VSIG10: variants seen among roughly 807,000 people sequenced by gnomAD.
VSIG10 encodes the protein V-set and immunoglobulin domain containing 10.
In VSIG10, 48 loss-of-function variants were observed where a neutral mutation model predicts 58.7. The observed-to-expected ratio is 0.82, with a 90% CI of 0.65 to 1.04. VSIG10 has a LOEUF of 1.04. Among genes scored for constraint, VSIG10 ranks in the 50% least tolerant of loss-of-function variants. VSIG10 has a pLI of 0.00. For synonymous variants in VSIG10, 260 were observed against 267.1 expected (o/e 0.97, Z 0.26); for missense variants, 628 against 670.0 (o/e 0.94, Z 0.69).
intron 1 of VSIG10, among the ~76,000 whole-genome samples, chr12:118,096,052 A>G (rs2033446426): frequency 6.6e-6 from 1 of 151,506 alleles, no homozygotes; most frequent in Non-Finnish European, 1.5e-5. Context: ...CAGCATCCCA[A>G]GTAGCTGGGA....
chr12:118,087,948 C>T (rs60532398), intron 2 of VSIG10, among the ~76,000 whole-genome samples: 1,877 of 151,536 alleles, frequency 0.012, 42 homozygotes, highest in African/African-American at 0.044. Context: ...AAGACCTGTT[C>T]GAAAGACCCA....
intron 2 of VSIG10, among the ~76,000 whole-genome samples, chr12:118,088,047 C>G (rs1032828103): frequency 6.6e-6 from 1 of 151,938 alleles, no homozygotes; most frequent in African/African-American, 2.4e-5. Context: ...AGTTCAAGAC[C>G]AGCCTGGCCA....
chr12:118,073,142 G>T (rs1220990502), intron 5 of VSIG10, among the ~76,000 whole-genome samples: 1 of 151,938 alleles, frequency 6.6e-6, no homozygotes, highest in Non-Finnish European at 1.5e-5. Flanking sequence ...TCAGCTAATG[G>T]TCTCGAACTC....
Position 118,073,798 on chromosome 12 carries a change from T to A in VSIG10, c.1120A>T (p.Ile374Phe). ...TQDGQNSTLT[I>F]HNCSQDLDEG... ...TCCAGGTCCTGGGAGCAGTTGTGGA[T>A]AGTGAGGGTGGAGTTCTGGCCATCC... Residue 374 changes from isoleucine (I) to phenylalanine (F), a missense_variant, in exon 5 of 9, where the codon ATC becomes TTC. Ile to Phe is a conservative substitution (Grantham distance 21, BLOSUM62 0). Coordinates refer to ENST00000359236, the MANE Select transcript of VSIG10 (RefSeq NM_019086.6). 1.2e-6 allele frequency: 2 copies of A among 1,613,892 alleles called. No individual in the cohort carries two copies. The highest frequency in any genetic ancestry group is 1.7e-5 in the Admixed American group (1 of 60,004).
intron 2 of VSIG10, among the ~76,000 whole-genome samples, chr12:118,093,537 A>G (rs1353450765): frequency 2.0e-5 from 3 of 152,068 alleles, no homozygotes; most frequent in Non-Finnish European, 2.9e-5. Flanking sequence ...GTATATCAGC[A>G]GATATGACAG....
At chr12:118,080,102 G>A (rs2032892505) in intron 3 of VSIG10, among the ~76,000 whole-genome samples, 1 of 152,144 alleles carries the variant, frequency 6.6e-6, no homozygotes, top group South Asian at 2.1e-4. Context: ...CCAAAGTGTT[G>A]GGATTATAGG....
At position 118,066,433 on chromosome 12, in the gene VSIG10, G is replaced by T; in HGVS notation, c.*206C>A. The stretch of plus-strand genomic sequence containing the variant: ...TCTCAAAGCTTTTAAACATCATTGG[G>T]AAAACTTAGAGCAAATCAAACCAAT... On this transcript the variant is annotated 3_prime_UTR_variant, in exon 9 of 9. Transcript: ENST00000359236. 1.7e-6 allele frequency: 1 copy of T among 596,478 alleles called. No homozygotes were observed. The highest frequency in any genetic ancestry group is 3.0e-6 in the Non-Finnish European group (1 of 333,442). 36.9% of individuals were successfully genotyped at this position (596,478 alleles called of 1,614,324 possible).
At chr12:118,093,224 G>C (rs1395461666) in intron 2 of VSIG10, among the ~76,000 whole-genome samples, 1 of 151,646 alleles carries the variant, frequency 6.6e-6, no homozygotes, top group Non-Finnish European at 1.5e-5. Flanking sequence ...GCATCAACCC[G>C]GGAGGTGGAG....
intron 1 of VSIG10, among the ~76,000 whole-genome samples, chr12:118,100,670 A>G (rs1592901617): frequency 6.6e-6 from 1 of 152,206 alleles, no homozygotes; most frequent in East Asian, 1.9e-4. Flanking sequence ...CTGGGATTAC[A>G]GGCACCCGCC....
rs1047067994 is a variant in VSIG10 at position 118,103,767 on chromosome 12, C to T, written c.-96G>A. On this transcript the variant is annotated 5_prime_UTR_variant, in exon 1 of 9. Transcript: ENST00000359236. ...GGCCCGGGGTACCGAGGGCTCCTCC[C>T]AGGTCCTCGGAACGGCAGAGTGGCC... The T allele has an allele frequency of 2.0e-5, 25 of 1,242,576 alleles. No homozygotes were observed. The African/African-American group carries it at 3.7e-4, about 18-fold the overall frequency. 77.0% of individuals were successfully genotyped at this position (1,242,576 alleles called of 1,614,324 possible). A position where few individuals can be genotyped will look rare whatever the true frequency, so the allele number is the denominator to read the frequency against.
Position 118,082,404 on chromosome 12 carries a change from G to A in VSIG10, c.387C>T (p.His129=). 6.2e-7 allele frequency: 1 copy of A among 1,612,432 alleles called. No homozygotes were observed. Among genetic ancestry groups the A allele is most frequent in the Non-Finnish European group, 8.5e-7 (1 of 1,178,802 alleles). ...VASGPYQIEV[H]IVATGTLPNG... ...TGGGGAGTGTGCCGGTGGCCACGAT[G>A]TGGACCTCAATCTGATAGGGGCCGC... Residue 129 remains histidine, a synonymous_variant, in exon 3 of 9, where the codon CAC becomes CAT. Coordinates refer to ENST00000359236, the MANE Select transcript of VSIG10 (RefSeq NM_019086.6).
intron 1 of VSIG10, chr12:118,102,399 A>T (rs2033644109): frequency 6.6e-6 from 1 of 152,262 alleles, no homozygotes; most frequent in Non-Finnish European, 1.5e-5. Flanking sequence ...AGCAGGTAAC[A>T]CCCATGACTG....
At chr12:118,097,254 T>C (rs1037497739) in intron 1 of VSIG10, among the ~76,000 whole-genome samples, 1 of 152,092 alleles carries the variant, frequency 6.6e-6, no homozygotes, top group Non-Finnish European at 1.5e-5. Context: ...CCATGGGATG[T>C]TGGGAATGTG....
intron 2 of VSIG10, among the ~76,000 whole-genome samples, chr12:118,092,026 G>A (rs1000372762): frequency 1.5e-4 from 23 of 152,070 alleles, no homozygotes; most frequent in South Asian, 4.2e-4. Flanking sequence ...AAAGTGCTGC[G>A]ATTACAGGCG....
At chr12:118,075,116 G>GTA (rs541191883) in intron 4 of VSIG10, among the ~76,000 whole-genome samples, 5 of 146,436 alleles carry the variant, frequency 3.4e-5, no homozygotes, top group African/African-American at 7.5e-5. Flanking sequence ...ATGTGTATAT[G>GTA]TATATATATG....
At chr12:118,092,209 C>T (rs929998102) in intron 2 of VSIG10, among the ~76,000 whole-genome samples, 7 of 152,178 alleles carry the variant, frequency 4.6e-5, no homozygotes, top group Non-Finnish European at 1.0e-4. Context: ...AGGTGCATGA[C>T]ACCATGCCCA....
intron 7 of VSIG10, 28 bp from the exon 8 acceptor site, chr12:118,068,625 A>C: frequency 1.3e-6 from 2 of 1,504,904 alleles, no homozygotes; most frequent in Middle Eastern, 1.8e-4. Context: ...AAAATAATCA[A>C]GAAGATTTCT....
chr12:118,093,518 T>A (rs2033359369), intron 2 of VSIG10, among the ~76,000 whole-genome samples: 1 of 151,872 alleles, frequency 6.6e-6, no homozygotes. Context: ...CTGCTGTAAA[T>A]CCATATGTGT....
intron 2 of VSIG10, among the ~76,000 whole-genome samples, chr12:118,083,055 G>A (rs2033010947): frequency 7.3e-6 from 1 of 137,800 alleles, no homozygotes; most frequent in South Asian, 2.4e-4. Flanking sequence ...GGATGTTGTA[G>A]GGAGCCGATA....
Sources: gnomAD v4.1 joint callset for allele counts (sites outside exome capture counted in the v4.1 genomes callset) on GRCh38, gnomAD v4.1.1 for gene constraint, MANE v1.5 for transcripts, NCBI Gene and HGNC (gene_info 2026-07-23, HGNC 2026-07-21) for gene names.